RPRM: variants seen among roughly 807,000 people sequenced by gnomAD.
The protein encoded by RPRM is protein reprimo.
RPRM carries 3 observed loss-of-function variants against 5.2 expected under a neutral mutation model. That is an observed-to-expected ratio of 0.58 (90% CI 0.26 to 1.50). RPRM has a LOEUF of 1.50. Among genes scored for constraint, RPRM ranks in the 40% most tolerant of loss-of-function variants. The pLI is 0.13. For synonymous variants in RPRM, 70 were observed against 69.9 expected (o/e 1.00, Z -0.01); for missense variants, 135 against 154.5 (o/e 0.87, Z 0.67).
Position 153,478,396 on chromosome 2 carries a change from A to T in RPRM, c.170T>A (p.Val57Glu). 2 of 1,614,186 alleles carry T rather than the reference A, an allele frequency of 1.2e-6. No homozygotes were observed. Among genetic ancestry groups the T allele is most frequent in the Non-Finnish European group, 1.7e-6 (2 of 1,180,018 alleles). The change falls in exon 1 of 1, where the codon GTG becomes GAG. Residue 57 changes from valine to glutamate, a missense_variant. Val to Glu is a moderately radical substitution (Grantham distance 121). Transcript: ENST00000325926. ...GAGCACGCACATGACCGCGATCTGCACCACGCGCATTATGTACAGGCTACG... is the reference window on the plus strand; with the variant it reads ...GAGCACGCACATGACCGCGATCTGCTCCACGCGCATTATGTACAGGCTACG... ...DERSLYIMRV[V>E]QIAVMCVLSL...
chr2:153,478,235 G>T lies in RPRM; in HGVS notation c.*1C>A, dbSNP rs781019702. The T allele has an allele frequency of 6.2e-7, 1 of 1,609,132 alleles. No individual in the cohort carries two copies. The highest frequency in any genetic ancestry group is 8.5e-7 in the Non-Finnish European group (1 of 1,177,792). ...CGGTTGCCGCGGGGGCAGAGGGCGG[G>T]TCAGTAGGGCCCCACGACCACCGCC... On this transcript the variant is annotated 3_prime_UTR_variant, in exon 1 of 1. Transcript: ENST00000325926.
Position 153,478,172 on chromosome 2 carries a change from G to A in RPRM, c.*64C>T, listed in dbSNP as rs1471990131. ...GCTTCGCCCAGTCTCTGATAGTGAG[G>A]GGCACAGCCGGGCTAGCAAAGTGGG... On this transcript the variant is annotated 3_prime_UTR_variant, in exon 1 of 1. Coordinates refer to ENST00000325926, the MANE Select transcript of RPRM (RefSeq NM_019845.3). The A allele has an allele frequency of 6.8e-6, 9 of 1,330,970 alleles. No individual in the cohort carries two copies. The highest frequency in any genetic ancestry group is 9.4e-6 in the Non-Finnish European group (9 of 955,984). 82.4% of individuals were successfully genotyped at this position (1,330,970 alleles called of 1,614,324 possible).
chr2:153,478,057 G>A lies in RPRM; in HGVS notation c.*179C>T. The stretch of plus-strand genomic sequence containing the variant: ...TCTGGGCGCTCTCCTCCGACTGCCA[G>A]GCATGAGGACTTTCAGAGGGCGAGG... On this transcript the variant is annotated 3_prime_UTR_variant, in exon 1 of 1. Transcript: ENST00000325926. 4.9e-6 allele frequency: 3 copies of A among 606,198 alleles called. No individual in the cohort carries two copies. The South Asian group carries it at 6.2e-5, about 12-fold the overall frequency. 37.6% of individuals were successfully genotyped at this position (606,198 alleles called of 1,614,324 possible).
chr2:153,478,531 G>A lies in RPRM; in HGVS notation c.35C>T (p.Ala12Val). The A allele has an allele frequency of 1.2e-6, 2 of 1,605,312 alleles. No homozygotes were observed. The highest frequency in any genetic ancestry group is 2.2e-5 in the East Asian group (1 of 44,570). Reference protein sequence around the residue: ...NPALGNQTDVAGLFLANSSEA... With the variant: ...NPALGNQTDVVGLFLANSSEA... ...GCTGCTGTTGGCCAGGAACAGGCCC[G>A]CCACGTCCGTCTGGTTGCCTAGGGC... Residue 12 changes from alanine to valine, a missense_variant, in exon 1 of 1, where the codon GCG (alanine) becomes GTG (valine). Physicochemically the swap from Ala to Val is moderately conservative, Grantham distance 64 (BLOSUM62 0). Transcript: ENST00000325926.
chr2:153,478,660 C>G lies in RPRM; in HGVS notation c.-95G>C. The stretch of plus-strand genomic sequence containing the variant: ...AGGTGCCGGGCTGAGCGCTCACTCG[C>G]AGACTAGCGCGTGCGAGGGCTCCTC... On this transcript the variant is annotated 5_prime_UTR_variant, in exon 1 of 1. Coordinates refer to ENST00000325926, the MANE Select transcript of RPRM (RefSeq NM_019845.3). The G allele has an allele frequency of 9.7e-7, 1 of 1,027,268 alleles. No individual in the cohort carries two copies. Among genetic ancestry groups the G allele is most frequent in the South Asian group, 1.7e-5 (1 of 59,542 alleles). 63.6% of individuals were successfully genotyped at this position (1,027,268 alleles called of 1,614,324 possible).
rs1297992429 is a variant in RPRM, at chr2:153,478,278, C to G, written c.288G>C (p.Arg96Ser). 6.2e-7 allele frequency: 1 copy of G among 1,613,908 alleles called. No individual in the cohort carries two copies. The highest frequency in any genetic ancestry group is 1.3e-5 in the African/African-American group (1 of 74,936). Reference sequence around the variant, plus strand: ...CCACCGCCTCCACCTCCTTAGACGGCCTCCGGTCCTTCACGAGGAAGTTGA... The same window carrying G: ...CCACCGCCTCCACCTCCTTAGACGGGCTCCGGTCCTTCACGAGGAAGTTGA... The part of the protein sequence containing the change: ...GMINFLVKDR[R>S]PSKEVEAVVV... The change falls in exon 1 of 1, where the codon AGG (arginine) becomes AGC (serine). Residue 96 changes from arginine (R) to serine (S), a missense_variant. Coordinates refer to ENST00000325926, the MANE Select transcript of RPRM (RefSeq NM_019845.3).
Position 153,478,103 on chromosome 2 carries a change from C to G in RPRM, c.*133G>C. 7.6e-5 allele frequency: 49 copies of G among 643,340 alleles called. No individual in the cohort carries two copies. Among genetic ancestry groups the G allele is most frequent in the East Asian group, 9.5e-5 (3 of 31,670 alleles). The allele number at this position is 643,340 out of a possible 1,614,324, so 39.9% of individuals were successfully genotyped here. ...CGAGGGAGAAACCGGTCGCTTCTTT[C>G]CGAAAGGCCGAAGTCGAGAGAAATA... On this transcript the variant is annotated 3_prime_UTR_variant, in exon 1 of 1. Coordinates refer to ENST00000325926, the MANE Select transcript of RPRM (RefSeq NM_019845.3).
Position 153,478,753 on chromosome 2 carries a change from A to G in RPRM, c.-188T>C. 2 of 596,638 alleles carry G rather than the reference A, an allele frequency of 3.4e-6. No individual in the cohort carries two copies. The highest frequency in any genetic ancestry group is 6.4e-5 in the Admixed American group (2 of 31,246). 37.0% of individuals were successfully genotyped at this position (596,638 alleles called of 1,614,324 possible). A position where few individuals can be genotyped will look rare whatever the true frequency, so the allele number is the denominator to read the frequency against. On this transcript the variant is annotated 5_prime_UTR_variant, in exon 1 of 1. Coordinates refer to ENST00000325926, the MANE Select transcript of RPRM (RefSeq NM_019845.3). ...AGCCTCTCCGACGCGCGCAGCAGCT[A>G]GGCTCTTCTAAAGCCGTCCGCTCCA...
rs1684198097 is a variant in RPRM, at chr2:153,478,732, T to A, written c.-167A>T. 2 of 616,742 alleles carry A rather than the reference T, an allele frequency of 3.2e-6. No homozygotes were observed. The highest frequency in any genetic ancestry group is 6.3e-5 in the Admixed American group (2 of 31,512). The allele number at this position is 616,742 out of a possible 1,614,324, so 38.2% of individuals were successfully genotyped here. A position where few individuals can be genotyped will look rare whatever the true frequency, so the allele number is the denominator to read the frequency against. ...GGGCCGTGGGAGTTTCCCAGGAGCCTCTCCGACGCGCGCAGCAGCTAGGCT... is the reference window on the plus strand; with the variant it reads ...GGGCCGTGGGAGTTTCCCAGGAGCCACTCCGACGCGCGCAGCAGCTAGGCT... On this transcript the variant is annotated 5_prime_UTR_variant, in exon 1 of 1. Transcript: ENST00000325926.
Position 153,478,332 on chromosome 2 carries a change from G to A in RPRM, c.234C>T (p.Cys78=), listed in dbSNP as rs1684189663. Residue 78 remains cysteine, a synonymous_variant, in exon 1 of 1, where the codon TGC becomes TGT. Coordinates refer to ENST00000325926, the MANE Select transcript of RPRM (RefSeq NM_019845.3). ...TGCCCTCGGACTTGATGAGCAGATTGCAGCCGAGGAAGAAGATGCCGAAGA... is the reference window on the plus strand; with the variant it reads ...TGCCCTCGGACTTGATGAGCAGATTACAGCCGAGGAAGAAGATGCCGAAGA... ...TVVFGIFFLG[C]NLLIKSEGMI... 1 of 1,614,132 alleles carries A rather than the reference G, an allele frequency of 6.2e-7. No homozygotes were observed. The highest frequency in any genetic ancestry group is 8.5e-7 in the Non-Finnish European group (1 of 1,180,000).
At position 153,478,351 on chromosome 2, in the gene RPRM, C is replaced by T. The variant is rs1684190021; in HGVS notation, c.215G>A (p.Gly72Asp). 1 of 1,614,040 alleles carries T rather than the reference C, an allele frequency of 6.2e-7. No individual in the cohort carries two copies. The highest frequency in any genetic ancestry group is 8.5e-7 in the Non-Finnish European group (1 of 1,180,032). The change falls in exon 1 of 1, where the codon GGC becomes GAC. Residue 72 changes from glycine (G) to aspartate (D), a missense_variant. Coordinates refer to ENST00000325926, the MANE Select transcript of RPRM (RefSeq NM_019845.3). ...MCVLSLTVVF[G>D]IFFLGCNLLI... The stretch of plus-strand genomic sequence containing the variant: ...CAGATTGCAGCCGAGGAAGAAGATG[C>T]CGAAGACCACGGTGAGTGAGAGCAC...
In RPRM at chr2:153,477,881, C is replaced by T. The variant is rs542537967; in HGVS notation, c.*355G>A. 2.7e-5 allele frequency: 8 copies of T among 300,034 alleles called. No homozygotes were observed. Among genetic ancestry groups the T allele is most frequent in the Admixed American group, 4.7e-5 (1 of 21,282 alleles). 18.6% of individuals were successfully genotyped at this position (300,034 alleles called of 1,614,324 possible). On this transcript the variant is annotated 3_prime_UTR_variant, in exon 1 of 1. Coordinates refer to ENST00000325926, the MANE Select transcript of RPRM (RefSeq NM_019845.3). ...AGTGCCGCTGGGTCTCTCCCCTGCC[C>T]GCCCTCTCCACCTGCCCCCAGAGCT...
In RPRM at chr2:153,478,071, C is replaced by A; in HGVS notation, c.*165G>T. On this transcript the variant is annotated 3_prime_UTR_variant, in exon 1 of 1. Transcript: ENST00000325926. The stretch of plus-strand genomic sequence containing the variant: ...TCCGACTGCCAGGCATGAGGACTTT[C>A]AGAGGGCGAGGGAGAAACCGGTCGC... 1.6e-6 allele frequency: 1 copy of A among 629,128 alleles called. No individual in the cohort carries two copies. The highest frequency in any genetic ancestry group is 2.0e-5 in the South Asian group (1 of 49,882). The allele number at this position is 629,128 out of a possible 1,614,324, so 39.0% of individuals were successfully genotyped here. A position where few individuals can be genotyped will look rare whatever the true frequency, so the allele number is the denominator to read the frequency against.
chr2:153,478,741 C>G lies in RPRM; in HGVS notation c.-176G>C. 1 of 605,050 alleles carries G rather than the reference C, an allele frequency of 1.7e-6. No individual in the cohort carries two copies. Among genetic ancestry groups the G allele is most frequent in the South Asian group, 2.2e-5 (1 of 46,266 alleles). 37.5% of individuals were successfully genotyped at this position (605,050 alleles called of 1,614,324 possible). On this transcript the variant is annotated 5_prime_UTR_variant, in exon 1 of 1. Transcript: ENST00000325926. ...GAGTTTCCCAGGAGCCTCTCCGACGCGCGCAGCAGCTAGGCTCTTCTAAAG... is the reference window on the plus strand; with the variant it reads ...GAGTTTCCCAGGAGCCTCTCCGACGGGCGCAGCAGCTAGGCTCTTCTAAAG...
In RPRM at chr2:153,477,777, A is replaced by C. The variant is rs1340055418; in HGVS notation, c.*459T>G. ...GGGAGCAGGAGAAGAGTGGGAGCGC[A>C]CCCGGACACGGATTTGTGAGACCCC... On this transcript the variant is annotated 3_prime_UTR_variant, in exon 1 of 1. Transcript: ENST00000325926. The C allele has an allele frequency of 1.3e-5, 2 of 159,768 alleles. No individual in the cohort carries two copies. The highest frequency in any genetic ancestry group is 4.8e-5 in the African/African-American group (2 of 41,570). The allele number at this position is 159,768 out of a possible 1,614,324, so 9.9% of individuals were successfully genotyped here. A position where few individuals can be genotyped will look rare whatever the true frequency, so the allele number is the denominator to read the frequency against.
At position 153,478,194 on chromosome 2, in the gene RPRM, T is replaced by C. The variant is rs146577311; in HGVS notation, c.*42A>G. ...GAGGGGCACAGCCGGGCTAGCAAAG[T>C]GGGCAGGCGTGGGAGCGGTTGCCGC... On this transcript the variant is annotated 3_prime_UTR_variant, in exon 1 of 1. Coordinates refer to ENST00000325926, the MANE Select transcript of RPRM (RefSeq NM_019845.3). 5,584 of 1,515,670 alleles carry C rather than the reference T, an allele frequency of 3.7e-3. 16 individuals carry two copies. The highest frequency in any genetic ancestry group is 4.3e-3 in the Non-Finnish European group (4,793 of 1,110,176). 93.9% of individuals were successfully genotyped at this position (1,515,670 alleles called of 1,614,324 possible). A position where few individuals can be genotyped will look rare whatever the true frequency, so the allele number is the denominator to read the frequency against.
Position 153,477,540 on chromosome 2 carries a change from AAAC to A in RPRM, c.*693_*695del, listed in dbSNP as rs1023225588. 5 of 152,370 alleles carry A rather than the reference AAAC, an allele frequency of 3.3e-5. No individual in the cohort carries two copies. The highest frequency in any genetic ancestry group is 1.2e-4 in the African/African-American group (5 of 41,340). The allele number at this position is 152,370 out of a possible 1,614,324, so 9.4% of individuals were successfully genotyped here. ...GACCCAGTGGGAAATGCACTAAAAG[AAAC>A]AACTCACCCCGTTCAAATTCGCAGG... On this transcript the variant is annotated 3_prime_UTR_variant, in exon 1 of 1. Transcript: ENST00000325926.
In RPRM at chr2:153,478,640, C is replaced by A; in HGVS notation, c.-75G>T. 1 of 1,217,712 alleles carries A rather than the reference C, an allele frequency of 8.2e-7. No homozygotes were observed. The highest frequency in any genetic ancestry group is 1.5e-5 in the African/African-American group (1 of 64,914). The allele number at this position is 1,217,712 out of a possible 1,614,324, so 75.4% of individuals were successfully genotyped here. A position where few individuals can be genotyped will look rare whatever the true frequency, so the allele number is the denominator to read the frequency against. ...GGCGGCGGCGCTGGAGGAACAGGTG[C>A]CGGGCTGAGCGCTCACTCGCAGACT... On this transcript the variant is annotated 5_prime_UTR_variant, in exon 1 of 1. Coordinates refer to ENST00000325926, the MANE Select transcript of RPRM (RefSeq NM_019845.3).
rs1684197244 is a variant in RPRM at position 153,478,690 on chromosome 2, T to A, written c.-125A>T. The A allele has an allele frequency of 1.3e-6, 1 of 798,910 alleles. No homozygotes were observed. Among genetic ancestry groups the A allele is most frequent in the Non-Finnish European group, 2.0e-6 (1 of 508,276 alleles). The allele number at this position is 798,910 out of a possible 1,614,324, so 49.5% of individuals were successfully genotyped here. A position where few individuals can be genotyped will look rare whatever the true frequency, so the allele number is the denominator to read the frequency against. ...TAGCGCGTGCGAGGGCTCCTCGCTC[T>A]GCTTTCGAAAGTCCCTGGGCCGTGG... On this transcript the variant is annotated 5_prime_UTR_variant, in exon 1 of 1. Transcript: ENST00000325926.
Sources: gnomAD v4.1 joint callset for allele counts on GRCh38, gnomAD v4.1.1 for gene constraint, MANE v1.5 for transcripts, NCBI Gene and HGNC (gene_info 2026-07-23, HGNC 2026-07-21) for gene names.